Variants in FBXL17 observed in about 807,000 individuals in gnomAD.
The protein encoded by FBXL17 is F-box and leucine rich repeat protein 17, also known as F-box/LRR-repeat protein 17.
A neutral mutation model predicts 66.2 loss-of-function variants in FBXL17; 22 were observed. The observed-to-expected ratio is 0.33, with a 90% CI of 0.24 to 0.47. The LOEUF (loss-of-function observed/expected upper bound fraction) is 0.47. FBXL17 is among the 20% of genes least tolerant of loss of function. The pLI, the probability that FBXL17 is intolerant of heterozygous loss-of-function variation, is 1.00. For synonymous variants in FBXL17, 474 were observed against 400.5 expected (o/e 1.18, Z -2.19); for missense variants, 878 against 948.2 (o/e 0.93, Z 0.97).
intron 4 of FBXL17, among the ~76,000 whole-genome samples, chr5:108,317,385 G>A (rs1759417235): frequency 6.7e-6 from 1 of 148,570 alleles, no homozygotes; most frequent in Admixed American, 6.7e-5. Context: ...ACAAAGAAAA[G>A]ACAAAAGTTT....
At position 108,376,917 on chromosome 5, in the gene FBXL17, T is replaced by C. The variant is rs560275082; in HGVS notation, c.993+3782A>G. The stretch of plus-strand genomic sequence containing the variant: ...GATTACAGGCGTGAGCCACCGCACC[T>C]GGCCACCAGTGTAGAATTTTATATT... On this transcript the variant is annotated intron_variant, in intron 1 of 8. Transcript: ENST00000542267. Among the ~76,000 whole-genome samples, 7 of 152,002 alleles carry C rather than the reference T, an allele frequency of 4.6e-5. No homozygotes were observed. In the South Asian group the frequency reaches 1.2e-3, roughly 27 times the overall value.
chr5:108,264,871 C>T (rs1369595901), intron 4 of FBXL17, among the ~76,000 whole-genome samples: 5 of 151,220 alleles, frequency 3.3e-5, no homozygotes, highest in Non-Finnish European at 5.9e-5. Context: ...TTTCCTAATG[C>T]TATCTAGTAT....
At chr5:107,879,385 T>C in intron 8 of FBXL17, 1 of 985,420 alleles carries the variant, frequency 1.0e-6, no homozygotes, top group Non-Finnish European at 1.2e-6. Flanking sequence ...AAAGAAGTCA[T>C]TTTAAAGTGG....
chr5:108,365,910 T>C (rs1748629854), intron 2 of FBXL17, among the ~76,000 whole-genome samples: 1 of 152,068 alleles, frequency 6.6e-6, no homozygotes, highest in African/African-American at 2.4e-5. Flanking sequence ...AATCTATCCT[T>C]AGTGGGAAAA....
chr5:108,141,509 A>G (rs1751349471), intron 6 of FBXL17, among the ~76,000 whole-genome samples: 1 of 152,222 alleles, frequency 6.6e-6, no homozygotes, highest in Admixed American at 6.5e-5. Flanking sequence ...AAGCCATTGT[A>G]GGACCTAAAC....
intron 1 of FBXL17, among the ~76,000 whole-genome samples, chr5:108,376,919 GC>G (rs1363902673): frequency 6.6e-6 from 1 of 151,850 alleles, no homozygotes; most frequent in Non-Finnish European, 1.5e-5. Context: ...ACCGCACCTG[GC>G]CACCAGTGTA....
At chr5:107,930,187 C>T (rs1163816687) in intron 7 of FBXL17, among the ~76,000 whole-genome samples, 1 of 152,178 alleles carries the variant, frequency 6.6e-6, no homozygotes. Context: ...AAGCCAAGCA[C>T]ATTACCACGG....
intron 4 of FBXL17, among the ~76,000 whole-genome samples, chr5:108,282,139 T>C (rs1757725205): frequency 6.6e-6 from 1 of 151,778 alleles, no homozygotes; most frequent in Non-Finnish European, 1.5e-5. Context: ...TTTCAAAAAA[T>C]TGAGGAGGAT....
intron 4 of FBXL17, among the ~76,000 whole-genome samples, chr5:108,326,597 CAAGACTCTGTCTCCAAA>C (rs1380834054): frequency 2.6e-5 from 4 of 151,810 alleles, no homozygotes; most frequent in Non-Finnish European, 2.9e-5. Context: ...AGCGACAGAG[CAAGACTCTGTCTCCAAA>C]AAAAAGCAAA....
rs752487516 is a variant in FBXL17 at position 108,223,299 on chromosome 5, G to A, written c.1614+822C>T. On this transcript the variant is annotated intron_variant, in intron 5 of 8. Transcript: ENST00000542267. ...TGAAAGAGACCTGGGATCTTACCTG[G>A]TTTTTTTCATCATTGTGTTGCCAAT... 3.3e-5 allele frequency among the ~76,000 whole-genome samples: 5 copies of A among 152,094 alleles called. No individual in the cohort carries two copies. The South Asian group carries it at 1.0e-3, about 32-fold the overall frequency.
chr5:108,231,351 A>T (rs1561478217), intron 4 of FBXL17, among the ~76,000 whole-genome samples: 1 of 152,202 alleles, frequency 6.6e-6, no homozygotes, highest in African/African-American at 2.4e-5. Flanking sequence ...CCCACAGGCA[A>T]CTACTGATCT....
chr5:108,300,916 GTA>G (rs953739412), intron 4 of FBXL17, among the ~76,000 whole-genome samples: 1 of 151,416 alleles, frequency 6.6e-6, no homozygotes, highest in Non-Finnish European at 1.5e-5. Flanking sequence ...GAATATGTCT[GTA>G]TATATATATT....
intron 6 of FBXL17, among the ~76,000 whole-genome samples, chr5:108,075,498 T>C (rs1291645727): frequency 1.5e-4 from 23 of 152,174 alleles, no homozygotes; most frequent in Admixed American, 1.4e-3. Flanking sequence ...TGTTTTGAGA[T>C]GGAGTTTCGC....
intron 7 of FBXL17, among the ~76,000 whole-genome samples, chr5:108,009,296 T>TAGATAG (rs1442694841): frequency 6.2e-5 from 2 of 32,428 alleles, no homozygotes; most frequent in African/African-American, 1.9e-4. Flanking sequence ...TATATATATA[T>TAGATAG]ATATACATAT....
chr5:108,246,288 C>T (rs962674904), intron 4 of FBXL17, among the ~76,000 whole-genome samples: 2 of 152,160 alleles, frequency 1.3e-5, no homozygotes, highest in East Asian at 3.9e-4. Context: ...ATCACTTGAG[C>T]CTTGGAGTTC....
intron 4 of FBXL17, among the ~76,000 whole-genome samples, chr5:108,260,861 A>G (rs1209532341): frequency 6.6e-6 from 1 of 152,162 alleles, no homozygotes; most frequent in Non-Finnish European, 1.5e-5. Context: ...TATCGGTATC[A>G]CACAGTCTCG....
chr5:108,225,501 G>A (rs912820148), intron 4 of FBXL17, among the ~76,000 whole-genome samples: 1 of 152,152 alleles, frequency 6.6e-6, no homozygotes, highest in Non-Finnish European at 1.5e-5. Flanking sequence ...CAGGGAGAAT[G>A]CCATGTGAAG....
chr5:108,023,636 G>A (rs1182806655), intron 6 of FBXL17, among the ~76,000 whole-genome samples: 1 of 152,100 alleles, frequency 6.6e-6, no homozygotes, highest in Non-Finnish European at 1.5e-5. Context: ...CTTACAAGTA[G>A]TACATAACAC....
At chr5:107,866,137 C>A (rs1748264383) in intron 8 of FBXL17, among the ~76,000 whole-genome samples, 2 of 151,234 alleles carry the variant, frequency 1.3e-5, no homozygotes, top group South Asian at 2.1e-4. Context: ...TATTCAATTT[C>A]TTTTCCTCTT....
Sources: allele counts gnomAD v4.1 joint callset (sites outside exome capture counted in the v4.1 genomes callset), GRCh38; gene constraint gnomAD v4.1.1; transcripts MANE v1.5; gene names NCBI Gene and HGNC (gene_info 2026-07-23, HGNC 2026-07-21).